The following QTRT2 variants were observed in gnomAD, a reference collection of about 807,000 sequenced individuals.
QTRT2 encodes the protein queuine tRNA-ribosyltransferase domain containing 1.
A neutral mutation model predicts 44.8 loss-of-function variants in QTRT2; 32 were observed. The ratio of observed to expected loss-of-function variants is 0.71; its 90% confidence interval spans 0.54 to 0.96. The LOEUF is 0.96. Among genes scored for constraint, QTRT2 ranks in the 40% least tolerant of loss-of-function variants. The pLI is 0.00. For missense variants in QTRT2, 461 were observed against 503.1 expected, an observed-to-expected ratio of 0.92 and a Z score of 0.80; for synonymous variants, 182 against 187.4, an observed-to-expected ratio of 0.97 and a Z score of 0.24.
intron 9 of QTRT2, among the ~76,000 whole-genome samples, chr3:114,083,167 G>A (rs1181714097): frequency 1.3e-5 from 2 of 152,298 alleles, no homozygotes; most frequent in Non-Finnish European, 2.9e-5. Flanking sequence ...TAAATCTTAC[G>A]TAAGATATTT....
At position 114,076,763 on chromosome 3, in the gene QTRT2, C is replaced by CA; in HGVS notation, c.568dup (p.Ile190AsnfsTer5). 7 of 1,614,100 alleles carry CA rather than the reference C, an allele frequency of 4.3e-6. No homozygotes were observed. The highest frequency in any genetic ancestry group is 5.9e-6 in the Non-Finnish European group (7 of 1,179,974). On this transcript the variant is annotated frameshift_variant, in exon 7 of 10. Transcript: ENST00000281273. LOFTEE classifies it high-confidence loss of function. ...CTCAGGTTCTTCAGAAGAGTGTGAT[C>CA]ATTGGAGTGATTGAAGGTGGAGATG...
chr3:114,088,364 C>T lies in QTRT2; in HGVS notation c.*2460C>T, dbSNP rs1357683409. On this transcript the variant is annotated 3_prime_UTR_variant, in exon 10 of 10. Coordinates refer to ENST00000281273, the MANE Select transcript of QTRT2 (RefSeq NM_024638.4). ...AATTTTAAAAATTTACTGTGTTTGG[C>T]TTTCTGTAAATGTAGTAGGTCTGTT... The T allele has an allele frequency of 6.6e-6, 1 of 152,058 alleles. No homozygotes were observed. The highest frequency in any genetic ancestry group is 2.1e-4 in the South Asian group (1 of 4,822). 9.4% of individuals were successfully genotyped at this position (152,058 alleles called of 1,614,324 possible).
chr3:114,075,634 G>A (rs1355796281), intron 6 of QTRT2, among the ~76,000 whole-genome samples: 1 of 150,162 alleles, frequency 6.7e-6, no homozygotes, highest in Non-Finnish European at 1.5e-5. Context: ...TCAGCCTCCC[G>A]AGTAACTGGG....
At chr3:114,074,590 G>A (rs2077064744) in intron 6 of QTRT2, among the ~76,000 whole-genome samples, 1 of 152,190 alleles carries the variant, frequency 6.6e-6, no homozygotes, top group Non-Finnish European at 1.5e-5. Context: ...CAGCCAAAGT[G>A]TTCTTTCTAG....
Position 114,076,292 on chromosome 3 carries a change from G to A in QTRT2, c.547-451G>A, listed in dbSNP as rs1055364263. On this transcript the variant is annotated intron_variant, in intron 6 of 9. Transcript: ENST00000281273. ...AGCCACCCTCCCACCTCAGCCTCCCGAATAGATGGGACTACAGGCACAAGC... is the reference window on the plus strand; with the variant it reads ...AGCCACCCTCCCACCTCAGCCTCCCAAATAGATGGGACTACAGGCACAAGC... Among the ~76,000 whole-genome samples, 20 of 152,186 alleles carry A rather than the reference G, an allele frequency of 1.3e-4. No homozygotes were observed. In the East Asian group the frequency reaches 2.7e-3, roughly 21 times the overall value.
rs140390968 is a variant in QTRT2 at position 114,057,137 on chromosome 3, C to G, written c.-22+31C>G. ...GTTTTCAGGAAGTTTTTATTCCGAA[C>G]TGCCCATGGGAGGGTGGGACCGTCT... On this transcript the variant is annotated intron_variant, in intron 2 of 9. Coordinates refer to ENST00000281273, the MANE Select transcript of QTRT2 (RefSeq NM_024638.4). The G allele has an allele frequency of 8.5e-4, 1,036 of 1,219,568 alleles. 15 individuals are homozygous for G. In the East Asian group the frequency reaches 0.017, roughly 20 times the overall value. 75.5% of individuals were successfully genotyped at this position (1,219,568 alleles called of 1,614,324 possible).
intron 4 of QTRT2, 148 bp downstream of exon 4, chr3:114,066,431 A>C: frequency 5.2e-6 from 3 of 580,370 alleles, no homozygotes; most frequent in Non-Finnish European, 9.4e-6. Context: ...GGCATTGGCA[A>C]GTCAAGATTG....
intron 2 of QTRT2, among the ~76,000 whole-genome samples, chr3:114,064,629 G>A (rs72960742): frequency 0.037 from 5,596 of 152,092 alleles, 330 homozygotes; most frequent in African/African-American, 0.13. Context: ...TTGCGTGTAT[G>A]CTCCACACAG....
intron 7 of QTRT2, chr3:114,079,593 A>G (rs2077138654): frequency 4.7e-6 from 1 of 210,998 alleles, no homozygotes; most frequent in Admixed American, 5.4e-5. Flanking sequence ...TCCTCACAAC[A>G]ATTCTGTGGG....
chr3:114,074,960 G>C (rs1210256949), intron 6 of QTRT2, among the ~76,000 whole-genome samples: 1 of 152,112 alleles, frequency 6.6e-6, no homozygotes, highest in Non-Finnish European at 1.5e-5. Flanking sequence ...TTTACTCTAT[G>C]GATAAACATT....
intron 7 of QTRT2, chr3:114,078,157 G>C (rs541829679): frequency 1.3e-5 from 2 of 152,264 alleles, no homozygotes; most frequent in East Asian, 3.9e-4. Context: ...TTTTAACCTA[G>C]TTCTTTTGTG....
At position 114,088,310 on chromosome 3, in the gene QTRT2, T is replaced by C. The variant is rs1258607666; in HGVS notation, c.*2406T>C. 1.3e-5 allele frequency: 2 copies of C among 152,196 alleles called. No homozygotes were observed. The highest frequency in any genetic ancestry group is 1.5e-5 in the Non-Finnish European group (1 of 68,038). 9.4% of individuals were successfully genotyped at this position (152,196 alleles called of 1,614,324 possible). A position where few individuals can be genotyped will look rare whatever the true frequency, so the allele number is the denominator to read the frequency against. On this transcript the variant is annotated 3_prime_UTR_variant, in exon 10 of 10. Coordinates refer to ENST00000281273, the MANE Select transcript of QTRT2 (RefSeq NM_024638.4). ...CCTTTCCTTTATTGTAGTAAATCTA[T>C]TAAAGGCAATAGCCAATAAAACATT...
chr3:114,059,171 A>G (rs1404504868), intron 2 of QTRT2, among the ~76,000 whole-genome samples: 1 of 152,216 alleles, frequency 6.6e-6, no homozygotes, highest in Non-Finnish European at 1.5e-5. Context: ...CCAGAAGTGC[A>G]GGGAATCTTT....
intron 5 of QTRT2, 100 bp downstream of exon 5, chr3:114,068,163 C>T: frequency 1.1e-6 from 1 of 919,236 alleles, no homozygotes. Flanking sequence ...TGGGATGATC[C>T]CTTATACCTT....
chr3:114,057,074 A>G lies in QTRT2; in HGVS notation c.-54A>G, dbSNP rs117024146. 9.4e-4 allele frequency: 1,293 copies of G among 1,373,618 alleles called. 16 individuals are homozygous for G. In the East Asian group the frequency reaches 0.017, roughly 18 times the overall value. The allele number at this position is 1,373,618 out of a possible 1,614,324, so 85.1% of individuals were successfully genotyped here. On this transcript the variant is annotated 5_prime_UTR_variant, in exon 2 of 10. Transcript: ENST00000281273. Reference sequence around the variant, plus strand: ...GAGCGTCGCCGACACCTCTGAGATAAAAGGGCCCCTTTCGACTAGCCTCTG... The same window carrying G: ...GAGCGTCGCCGACACCTCTGAGATAGAAGGGCCCCTTTCGACTAGCCTCTG...
chr3:114,078,981 T>C (rs975944303), intron 7 of QTRT2: 10 of 152,118 alleles, frequency 6.6e-5, no homozygotes, highest in Non-Finnish European at 1.5e-4. Flanking sequence ...GAGAGTTGCT[T>C]TGTAAATTAA....
At chr3:114,059,417 A>T (rs1287189750) in intron 2 of QTRT2, among the ~76,000 whole-genome samples, 1 of 152,082 alleles carries the variant, frequency 6.6e-6, no homozygotes, top group Non-Finnish European at 1.5e-5. Context: ...GGAAATAATC[A>T]CTCTCAAAGC....
intron 4 of QTRT2, among the ~76,000 whole-genome samples, chr3:114,066,865 C>G (rs1180148467): frequency 6.6e-6 from 1 of 152,144 alleles, no homozygotes; most frequent in Non-Finnish European, 1.5e-5. Context: ...CTCAAACATG[C>G]AGGGGAGGAT....
intron 2 of QTRT2, among the ~76,000 whole-genome samples, chr3:114,061,011 T>A (rs1045037357): frequency 6.6e-6 from 1 of 152,204 alleles, no homozygotes; most frequent in Non-Finnish European, 1.5e-5. Flanking sequence ...CTACTCAGAA[T>A]GGCATGCAAT....
Sources: gnomAD v4.1 joint callset for allele counts (sites outside exome capture counted in the v4.1 genomes callset) on GRCh38, gnomAD v4.1.1 for gene constraint, MANE v1.5 for transcripts, NCBI Gene and HGNC (gene_info 2026-07-23, HGNC 2026-07-21) for gene names.